PTPN4: variants seen among roughly 807,000 people sequenced by gnomAD.
PTPN4 encodes the protein tyrosine-protein phosphatase non-receptor type 4.
A neutral mutation model predicts 135.5 loss-of-function variants in PTPN4; 49 were observed. The ratio of observed to expected loss-of-function variants is 0.36; its 90% CI spans 0.29 to 0.46. The LOEUF (loss-of-function observed/expected upper bound fraction) is 0.46, where lower values mean the gene tolerates loss of function less well. Ranked by LOEUF, PTPN4 falls within the 20% of genes least tolerant of loss-of-function variation. The pLI is 1.00. For missense variants in PTPN4, 860 were observed against 1,101.0 expected, an observed-to-expected ratio of 0.78 and a Z score of 3.10; for synonymous variants, 333 against 369.9, an observed-to-expected ratio of 0.90 and a Z score of 1.14.
intron 26 of PTPN4, among the ~76,000 whole-genome samples, chr2:119,968,545 A>G (rs1249790668): frequency 6.6e-6 from 1 of 152,164 alleles, no homozygotes; most frequent in Non-Finnish European, 1.5e-5. Context: ...TAATCCCAGC[A>G]CTTTGGGAGG....
chr2:119,905,599 C>T (rs991688120), intron 10 of PTPN4, among the ~76,000 whole-genome samples: 4 of 152,140 alleles, frequency 2.6e-5, no homozygotes, highest in East Asian at 3.8e-4. Context: ...TTAATCTGCA[C>T]GGTAGACCAA....
intron 2 of PTPN4, among the ~76,000 whole-genome samples, chr2:119,842,416 A>T (rs932243318): frequency 9.2e-5 from 14 of 152,208 alleles, no homozygotes. Flanking sequence ...AGTTGTAAGC[A>T]TATAAAAGTA....
chr2:119,885,695 G>C, intron 8 of PTPN4, 100 bp from the exon 9 acceptor site: 1 of 766,648 alleles, frequency 1.3e-6, no homozygotes, highest in Non-Finnish European at 2.0e-6. Context: ...GATTTAATTA[G>C]ACTGCTCAGT....
chr2:119,874,320 C>T (rs528207243), intron 3 of PTPN4, among the ~76,000 whole-genome samples: 3 of 152,136 alleles, frequency 2.0e-5, no homozygotes, highest in Non-Finnish European at 4.4e-5. Flanking sequence ...CAATACTACT[C>T]CTAGGCATGT....
intron 1 of PTPN4, among the ~76,000 whole-genome samples, chr2:119,770,297 A>G (rs957690227): frequency 3.3e-5 from 5 of 152,236 alleles, no homozygotes; most frequent in East Asian, 1.9e-4. Flanking sequence ...AGATAAGTCA[A>G]TGTTTAATTA....
intron 26 of PTPN4, among the ~76,000 whole-genome samples, chr2:119,972,551 TTGTC>T (rs1345294026): frequency 1.3e-5 from 2 of 152,140 alleles, no homozygotes; most frequent in Non-Finnish European, 2.9e-5. Context: ...TCCTTTTTCT[TTGTC>T]TTTCTTGTAT....
At chr2:119,819,457 T>G (rs917724612) in intron 2 of PTPN4, among the ~76,000 whole-genome samples, 1 of 152,242 alleles carries the variant, frequency 6.6e-6, no homozygotes, top group African/African-American at 2.4e-5. Context: ...TTGAAACATT[T>G]AACATGTTAC....
At chr2:119,805,484 G>T (rs1691451540) in intron 1 of PTPN4, among the ~76,000 whole-genome samples, 1 of 152,124 alleles carries the variant, frequency 6.6e-6, no homozygotes, top group African/African-American at 2.4e-5. Flanking sequence ...GTAAGGAAGG[G>T]ATCCAGTTTC....
At chr2:119,799,188 T>A (rs1411323223) in intron 1 of PTPN4, among the ~76,000 whole-genome samples, 1 of 152,196 alleles carries the variant, frequency 6.6e-6, no homozygotes, top group Non-Finnish European at 1.5e-5. Flanking sequence ...CTGTAGAGAT[T>A]GTAGTAGCAA....
In PTPN4 at chr2:119,962,681, C is replaced by G. The variant is rs764983291; in HGVS notation, c.2346C>G (p.Thr782=). The change falls in exon 24 of 27, where the codon ACC becomes ACG. Residue 782 remains threonine (T), a synonymous_variant. Transcript: ENST00000263708. The part of the protein sequence containing the change: ...GSSSYGCYQV[T]CHSEEGNTAY... ...CATCTTATGGATGCTACCAAGTTACCTGCCACTCTGAAGAAGGAAACACTG... is the reference window on the plus strand; with the variant it reads ...CATCTTATGGATGCTACCAAGTTACGTGCCACTCTGAAGAAGGAAACACTG... 1.3e-6 allele frequency: 2 copies of G among 1,588,298 alleles called. No homozygotes were observed. Among genetic ancestry groups the G allele is most frequent in the Non-Finnish European group, 1.7e-6 (2 of 1,161,272 alleles).
intron 15 of PTPN4, 105 bp from the exon 16 acceptor site, chr2:119,944,976 G>T (rs1040504675): frequency 2.1e-6 from 2 of 958,288 alleles, no homozygotes; most frequent in Admixed American, 7.6e-5. Flanking sequence ...AATAAATATG[G>T]TATTTAGAGC....
chr2:119,909,603 T>G (rs1028681539), intron 10 of PTPN4, among the ~76,000 whole-genome samples: 1 of 152,176 alleles, frequency 6.6e-6, no homozygotes, highest in Non-Finnish European at 1.5e-5. Context: ...TTTCAAATCT[T>G]TTTTAAGAAA....
At chr2:119,886,362 G>A (rs1178063858) in intron 9 of PTPN4, among the ~76,000 whole-genome samples, 2 of 152,086 alleles carry the variant, frequency 1.3e-5, no homozygotes, top group Admixed American at 1.3e-4. Flanking sequence ...GTAGTGAAGT[G>A]GAATTTATAG....
chr2:119,790,017 T>C (rs936933390), intron 1 of PTPN4, among the ~76,000 whole-genome samples: 1 of 152,150 alleles, frequency 6.6e-6, no homozygotes, highest in African/African-American at 2.4e-5. Context: ...TGTGAGCCAC[T>C]GCACCTGGCC....
At chr2:119,779,075 A>G (rs971548480) in intron 1 of PTPN4, among the ~76,000 whole-genome samples, 3 of 152,166 alleles carry the variant, frequency 2.0e-5, no homozygotes, top group African/African-American at 4.8e-5. Context: ...TCTACAGGGT[A>G]TCAGTTTTAT....
intron 15 of PTPN4, among the ~76,000 whole-genome samples, chr2:119,937,205 A>G (rs1678996263): frequency 6.6e-6 from 1 of 152,234 alleles, no homozygotes; most frequent in African/African-American, 2.4e-5. Context: ...TGCAATTTAG[A>G]TAAAATACTT....
intron 18 of PTPN4, 66 bp downstream of exon 18, chr2:119,946,640 AC>A (rs1190900640): frequency 8.3e-7 from 1 of 1,204,424 alleles, no homozygotes. Flanking sequence ...TATAATTCTT[AC>A]TAGTTTAAAT....
chr2:119,930,678 T>A (rs1678891415), intron 13 of PTPN4, among the ~76,000 whole-genome samples: 2 of 152,174 alleles, frequency 1.3e-5, no homozygotes, highest in South Asian at 4.1e-4. Flanking sequence ...CATTTCTTTT[T>A]ACACGTTTAA....
At chr2:119,793,405 T>C (rs1691188680) in intron 1 of PTPN4, among the ~76,000 whole-genome samples, 1 of 152,224 alleles carries the variant, frequency 6.6e-6, no homozygotes, top group South Asian at 2.1e-4. Flanking sequence ...TATCCTGTTC[T>C]TTTTTCAATG....
Sources: allele counts gnomAD v4.1 joint callset (sites outside exome capture counted in the v4.1 genomes callset), GRCh38; gene constraint gnomAD v4.1.1; transcripts MANE v1.5; gene names NCBI Gene and HGNC (gene_info 2026-07-23, HGNC 2026-07-21).